The following RBFOX1 variants were observed in gnomAD, a reference collection of about 807,000 sequenced individuals.
RBFOX1 encodes RNA binding fox-1 homolog 1.
A neutral mutation model predicts 57.7 loss-of-function variants in RBFOX1; 8 were observed. The observed-to-expected ratio is 0.14, with a 90% CI of 0.08 to 0.25. The LOEUF is 0.25. Ranked by LOEUF, RBFOX1 falls within the 10% of genes least tolerant of loss-of-function variation. RBFOX1 has a pLI of 1.00. For synonymous variants in RBFOX1, 326 were observed against 222.4 expected, an observed-to-expected ratio of 1.47 and a Z score of -4.15; for missense variants, 611 against 548.5, an observed-to-expected ratio of 1.11 and a Z score of -1.14.
intron 3 of RBFOX1, among the ~76,000 whole-genome samples, chr16:6,856,110 T>C (rs6500858): frequency 0.78 from 117,469 of 151,572 alleles, 46,430 homozygotes; most frequent in African/African-American, 0.93. Flanking sequence ...CCCTTCCCTT[T>C]CTTCCCTTTC....
intron 3 of RBFOX1, among the ~76,000 whole-genome samples, chr16:6,914,957 A>G (rs2072740471): frequency 6.6e-6 from 1 of 152,232 alleles, no homozygotes; most frequent in South Asian, 2.1e-4. Flanking sequence ...TAAATCGGAT[A>G]GTGCCTGCGT....
chr16:7,383,379 A>G (rs944992244), intron 4 of RBFOX1, among the ~76,000 whole-genome samples: 1 of 152,112 alleles, frequency 6.6e-6, no homozygotes, highest in Non-Finnish European at 1.5e-5. Context: ...AAAAAAGCAG[A>G]TGGCAAATAT....
intron 4 of RBFOX1, among the ~76,000 whole-genome samples, chr16:7,408,223 G>A (rs1248437306): frequency 6.6e-6 from 1 of 152,192 alleles, no homozygotes; most frequent in African/African-American, 2.4e-5. Context: ...AGTTAAGGGA[G>A]ACTGACACTC....
chr16:7,614,080 C>G (rs984571208), intron 10 of RBFOX1: 1 of 152,180 alleles, frequency 6.6e-6, no homozygotes, highest in African/African-American at 2.4e-5. Context: ...TTTCTCATAC[C>G]CACCAGGAGG....
At chr16:5,556,130 A>G (rs1217897608) in intron 2 of RBFOX1, among the ~76,000 whole-genome samples, 4 of 152,252 alleles carry the variant, frequency 2.6e-5, no homozygotes, top group Non-Finnish European at 4.4e-5. Flanking sequence ...TAGAATTTAT[A>G]TTGAGGAAAT....
intron 3 of RBFOX1, among the ~76,000 whole-genome samples, chr16:5,609,110 T>C (rs190941975): frequency 1.5e-4 from 23 of 152,324 alleles, no homozygotes; most frequent in Admixed American, 9.8e-4. Flanking sequence ...GTAATGATTT[T>C]GCTAAGAAAT....
At position 6,019,579 on chromosome 16, in the gene RBFOX1, C is replaced by T. The variant is rs1016570163; in HGVS notation, c.-540C>T. ...GCGGCACTGGCTGGACCCACGCGCG[C>T]GCCTCCGGGGCTGAAGAAGGAAGGA... On this transcript the variant is annotated 5_prime_UTR_variant, in exon 1 of 16. Transcript: ENST00000550418. This position sits in a 1 kb window ranked among gnomAD's most constrained non-coding sequence, Gnocchi z 4.2. The T allele has an allele frequency of 1.8e-4, 208 of 1,176,136 alleles. No homozygotes were observed. In the African/African-American group the frequency reaches 3.0e-3, roughly 17 times the overall value. The allele number at this position is 1,176,136 out of a possible 1,614,324, so 72.9% of individuals were successfully genotyped here.
intron 1 of RBFOX1, among the ~76,000 whole-genome samples, chr16:6,282,611 C>G (rs1393723416): frequency 6.6e-6 from 1 of 151,998 alleles, no homozygotes; most frequent in African/African-American, 2.4e-5. Flanking sequence ...TGTTCAATTC[C>G]CACTTATGAG....
intron 2 of RBFOX1, among the ~76,000 whole-genome samples, chr16:6,611,291 C>T (rs538285635): frequency 1.8e-4 from 27 of 152,152 alleles, no homozygotes; most frequent in Non-Finnish European, 3.4e-4. Context: ...AGAATACAGG[C>T]GCACACCACC....
At chr16:7,354,781 A>G (rs945443342) in intron 4 of RBFOX1, among the ~76,000 whole-genome samples, 8 of 152,194 alleles carry the variant, frequency 5.3e-5, no homozygotes, top group African/African-American at 1.9e-4. Flanking sequence ...TGTGCCATTG[A>G]CATTTTCAGT....
At chr16:6,440,273 T>G (rs1034292229) in intron 2 of RBFOX1, among the ~76,000 whole-genome samples, 6 of 151,894 alleles carry the variant, frequency 4.0e-5, no homozygotes, top group Admixed American at 3.9e-4. Context: ...CAGAGAAAGG[T>G]GTGGTACATG....
intron 5 of RBFOX1, among the ~76,000 whole-genome samples, chr16:7,555,602 C>T (rs73486611): frequency 0.036 from 5,458 of 152,230 alleles, 320 homozygotes; most frequent in African/African-American, 0.12. Context: ...TTTCTGTGCC[C>T]TCGTCAGGTC....
chr16:5,974,494 C>A (rs1163574534), intron 4 of RBFOX1, among the ~76,000 whole-genome samples: 2 of 151,968 alleles, frequency 1.3e-5, no homozygotes, highest in African/African-American at 4.8e-5. Flanking sequence ...CCTGTAATCC[C>A]AGCTACTCGG....
intron 3 of RBFOX1, among the ~76,000 whole-genome samples, chr16:6,724,049 A>G (rs892261823): frequency 4.6e-5 from 7 of 152,104 alleles, no homozygotes; most frequent in Admixed American, 4.6e-4. Context: ...TACCCTGAAC[A>G]TTTATATGAA....
chr16:6,664,970 C>G (rs780948549), intron 3 of RBFOX1, among the ~76,000 whole-genome samples: 10 of 152,178 alleles, frequency 6.6e-5, no homozygotes, highest in Non-Finnish European at 1.3e-4. Flanking sequence ...ATCCCATGCA[C>G]TGTTCTTGTG....
At chr16:6,693,124 A>C (rs2060470867) in intron 3 of RBFOX1, among the ~76,000 whole-genome samples, 1 of 150,222 alleles carries the variant, frequency 6.7e-6, no homozygotes, top group African/African-American at 2.5e-5. Context: ...CCCCACCATC[A>C]CCATCATCAT....
In RBFOX1 at chr16:5,347,455, A is replaced by G. The variant is rs9931573; in HGVS notation, c.219+107350A>G. 4.0e-3 allele frequency among the ~76,000 whole-genome samples: 609 copies of G among 152,278 alleles called. 4 individuals carry two copies. The highest frequency in any genetic ancestry group is 0.014 in the African/African-American group (569 of 41,540). ...CTGTTTAGAAATGACAAAGCACTAA[A>G]TAAGCAGAAGAGATAATAATTATCA... On this transcript the variant is annotated intron_variant, in intron 1 of 2. Coordinates refer to the RBFOX1 transcript ENST00000585867.
chr16:5,956,693 C>T (rs568923035), intron 4 of RBFOX1, among the ~76,000 whole-genome samples: 22 of 55,996 alleles, frequency 3.9e-4, no homozygotes, highest in African/African-American at 1.4e-3. Context: ...TTTTGAGGCA[C>T]AGTCTCATCC....
intron 3 of RBFOX1, among the ~76,000 whole-genome samples, chr16:6,981,089 A>G (rs115488833): frequency 0.064 from 9,507 of 148,088 alleles, 397 homozygotes; most frequent in South Asian, 0.17. Context: ...GGTGAGATCC[A>G]GTACTTTTCC....
Sources: gnomAD v4.1 joint callset for allele counts (sites outside exome capture counted in the v4.1 genomes callset) on GRCh38, gnomAD v4.1.1 for gene constraint, Gnocchi (gnomAD v3.1) non-coding constraint, MANE v1.5 for transcripts, NCBI Gene and HGNC (gene_info 2026-07-23, HGNC 2026-07-21) for gene names.